Variants in PRKAR1B observed in about 807,000 individuals in gnomAD.
PRKAR1B encodes the protein protein kinase cAMP-dependent type I regulatory subunit beta.
In PRKAR1B, 22 loss-of-function variants were observed where a neutral mutation model predicts 46.5. That is an observed-to-expected ratio of 0.47 (90% confidence interval 0.34 to 0.68). PRKAR1B has a LOEUF of 0.68. Ranked by LOEUF, PRKAR1B falls within the 30% of genes least tolerant of loss-of-function variation. The pLI, the probability that PRKAR1B is intolerant of heterozygous loss-of-function variation, is 0.01. For missense variants in PRKAR1B, 445 were observed against 535.6 expected, an observed-to-expected ratio of 0.83 and a Z score of 1.67; for synonymous variants, 259 against 217.7, an observed-to-expected ratio of 1.19 and a Z score of -1.67.
At chr7:556,475 G>A (rs887211237) in intron 9 of PRKAR1B, among the ~76,000 whole-genome samples, 1 of 152,230 alleles carries the variant, frequency 6.6e-6, no homozygotes, top group East Asian at 1.9e-4. Flanking sequence ...GTCACATAAA[G>A]GGGTAAAACA....
chr7:614,885 C>G (rs538680653), intron 4 of PRKAR1B, among the ~76,000 whole-genome samples: 2 of 151,960 alleles, frequency 1.3e-5, no homozygotes, highest in African/African-American at 4.8e-5. Context: ...GCACTCCAAC[C>G]TGGGTGACAG....
intron 1 of PRKAR1B, among the ~76,000 whole-genome samples, chr7:718,785 A>G (rs1780972415): frequency 6.7e-6 from 1 of 148,288 alleles, no homozygotes; most frequent in Non-Finnish European, 1.5e-5. Flanking sequence ...TGTTCTCCAT[A>G]TCCCTGACCT....
At chr7:704,562 G>A (rs1159181982) in intron 2 of PRKAR1B, among the ~76,000 whole-genome samples, 11 of 152,112 alleles carry the variant, frequency 7.2e-5, no homozygotes, top group Admixed American at 7.2e-4. Flanking sequence ...GATCACTTGA[G>A]GTCAGGAGTT....
Position 614,497 on chromosome 7 carries a change from G to A in PRKAR1B, c.441-7045C>T, listed in dbSNP as rs182432586. ...CAGATGTGGTGGGTGGCTCATGCCT[G>A]TCATCCCAGCACTTTGGGAGACCGG... On this transcript the variant is annotated intron_variant, in intron 4 of 10. Transcript: ENST00000537384. Among the ~76,000 whole-genome samples the A allele has an allele frequency of 2.2e-3, 331 of 152,348 alleles. 1 individual carries two copies. Among genetic ancestry groups the A allele is most frequent in the African/African-American group, 7.7e-3 (319 of 41,580 alleles).
chr7:567,673 C>T (rs867667312), intron 9 of PRKAR1B, among the ~76,000 whole-genome samples: 5 of 152,196 alleles, frequency 3.3e-5, no homozygotes, highest in East Asian at 1.9e-4. Context: ...ACTCAAACAA[C>T]GGAATATTAT....
intron 9 of PRKAR1B, among the ~76,000 whole-genome samples, chr7:563,406 G>A (rs561736916): frequency 6.6e-6 from 1 of 152,406 alleles, no homozygotes; most frequent in Non-Finnish European, 1.5e-5. Flanking sequence ...ACTGCTGAGA[G>A]CCCAGGCTGT....
chr7:551,543 C>T (rs538007613), intron 9 of PRKAR1B, 73 bp from the exon 10 acceptor site: 2 of 1,443,916 alleles, frequency 1.4e-6, no homozygotes, highest in East Asian at 2.5e-5. Context: ...AGGGGTCACC[C>T]CACAGGGGGT....
intron 4 of PRKAR1B, among the ~76,000 whole-genome samples, chr7:660,429 C>CATCG (rs1785449754): frequency 7.6e-6 from 1 of 132,230 alleles, no homozygotes. Context: ...CCCCCCAGTG[C>CATCG]CACAGGCTCC....
At chr7:624,786 TCAGCTAGTTATTGACAGATC>T (rs1414924045) in intron 4 of PRKAR1B, among the ~76,000 whole-genome samples, 1 of 152,182 alleles carries the variant, frequency 6.6e-6, no homozygotes, top group Non-Finnish European at 1.5e-5. Context: ...TTAACGCCCC[TCAGCTAGTTATTGACAGATC>T]CAGCAGGCAG....
chr7:657,760 C>A (rs1785291769), intron 4 of PRKAR1B, among the ~76,000 whole-genome samples: 1 of 152,186 alleles, frequency 6.6e-6, no homozygotes, highest in South Asian at 2.1e-4. Flanking sequence ...CATGAACCAG[C>A]TGTCACCACA....
chr7:676,759 C>A (rs998874602), intron 4 of PRKAR1B, among the ~76,000 whole-genome samples: 2 of 152,236 alleles, frequency 1.3e-5, no homozygotes, highest in African/African-American at 4.8e-5. Flanking sequence ...AGAGAAACGG[C>A]AAAGCCTCCC....
intron 8 of PRKAR1B, among the ~76,000 whole-genome samples, chr7:579,870 G>A (rs1342173053): frequency 6.6e-6 from 1 of 152,208 alleles, no homozygotes; most frequent in South Asian, 2.1e-4. Context: ...GCTGAGGCAG[G>A]AGGATCGCTT....
At chr7:639,547 A>G (rs981011034) in intron 4 of PRKAR1B, among the ~76,000 whole-genome samples, 26 of 152,314 alleles carry the variant, frequency 1.7e-4, no homozygotes, top group Non-Finnish European at 8.8e-5. Context: ...CCGCAAAAGC[A>G]TAATTGAAAA....
intron 2 of PRKAR1B, among the ~76,000 whole-genome samples, chr7:681,054 C>G (rs1179361620): frequency 6.6e-6 from 1 of 152,152 alleles, no homozygotes; most frequent in Admixed American, 6.5e-5. Flanking sequence ...CAGTTTCCCC[C>G]TTGCTGTTCT....
chr7:558,303 G>A (rs1203101128), intron 9 of PRKAR1B, among the ~76,000 whole-genome samples: 1 of 141,836 alleles, frequency 7.1e-6, no homozygotes, highest in African/African-American at 2.6e-5. Flanking sequence ...TCCAGCCTGG[G>A]TGACAGAGCG....
intron 4 of PRKAR1B, among the ~76,000 whole-genome samples, chr7:626,211 G>C (rs149079530): frequency 7.8e-4 from 118 of 152,236 alleles, no homozygotes; most frequent in Middle Eastern, 6.8e-3. Context: ...TCAAGCCCAG[G>C]CTGGGCACAG....
At chr7:652,872 A>C (rs1784985384) in intron 4 of PRKAR1B, among the ~76,000 whole-genome samples, 2 of 152,188 alleles carry the variant, frequency 1.3e-5, no homozygotes, top group African/African-American at 4.8e-5. Flanking sequence ...ACTCTTCCTC[A>C]TGGTTCTGTG....
At chr7:640,105 G>A (rs569138285) in intron 4 of PRKAR1B, among the ~76,000 whole-genome samples, 1 of 150,928 alleles carries the variant, frequency 6.6e-6, no homozygotes, top group South Asian at 2.1e-4. Context: ...GCAGGTTGCA[G>A]TGAGCCGAGA....
chr7:585,688 C>T (rs932436075), intron 7 of PRKAR1B, among the ~76,000 whole-genome samples: 2 of 152,078 alleles, frequency 1.3e-5, no homozygotes, highest in African/African-American at 2.4e-5. Context: ...ACATCGACCT[C>T]GCAACAGATA....
Sources: gnomAD v4.1 joint callset for allele counts (sites outside exome capture counted in the v4.1 genomes callset) on GRCh38, gnomAD v4.1.1 for gene constraint, MANE v1.5 for transcripts, NCBI Gene and HGNC (gene_info 2026-07-23, HGNC 2026-07-21) for gene names.